Variants in TANK observed in about 807,000 individuals in gnomAD.
The protein encoded by TANK is TRAF family member-associated NF-kappa-B activator.
Under a neutral mutation model 43.6 loss-of-function variants are expected in TANK, and 15 were observed. That is an observed-to-expected ratio of 0.34 (90% CI 0.23 to 0.53). The LOEUF (loss-of-function observed/expected upper bound fraction) is 0.53, where lower values mean the gene tolerates loss of function less well. Among genes scored for constraint, TANK ranks in the 20% least tolerant of loss-of-function variants. The probability of loss-of-function intolerance (pLI) is 0.94; values close to 1 mark genes in which losing one functional copy is unlikely to be tolerated. For synonymous variants in TANK, 162 were observed against 178.2 expected (o/e 0.91, Z 0.73); for missense variants, 417 against 498.6 (o/e 0.84, Z 1.56).
rs145331464 is a variant in TANK at position 161,172,240 on chromosome 2, C to A, written c.-49-7374C>A. On this transcript the variant is annotated intron_variant, in intron 1 of 7. Coordinates refer to ENST00000392749, the MANE Select transcript of TANK (RefSeq NM_001199135.3). ...AAGAAATAATAAGTGGGCCTGTCCT[C>A]TTTTTTGGTTTATATTTGGTAGGAA... 1.9e-3 allele frequency among the ~76,000 whole-genome samples: 294 copies of A among 151,660 alleles called. 5 individuals carry two copies. The East Asian group carries it at 0.049, about 25-fold the overall frequency.
intron 7 of TANK, 91 bp from the exon 8 acceptor site, chr2:161,235,251 C>T: frequency 1.8e-6 from 2 of 1,100,126 alleles, no homozygotes; most frequent in Non-Finnish European, 2.6e-6. Context: ...TATATATGCC[C>T]ATGCGTAACT....
At chr2:161,156,123 C>A, upstream of TANK, 1 of 985,382 alleles carries the variant, frequency 1.0e-6, no homozygotes, top group Non-Finnish European at 1.2e-6. Context: ...CGTCTCTGTT[C>A]TATTTACCCC....
chr2:161,235,541 T>C lies in TANK; in HGVS notation c.*23T>C. 6.3e-7 allele frequency: 1 copy of C among 1,590,788 alleles called. No individual in the cohort carries two copies. Among genetic ancestry groups the C allele is most frequent in the Non-Finnish European group, 8.6e-7 (1 of 1,167,728 alleles). On this transcript the variant is annotated 3_prime_UTR_variant, in exon 8 of 8. Transcript: ENST00000392749. ...TAAGACACATTTGAAAACAGACATA[T>C]CAAGTTCTATGTGATGATTTTGGGT...
At chr2:161,227,083 A>T (rs181314319) in intron 6 of TANK, 1 of 152,336 alleles carries the variant, frequency 6.6e-6, no homozygotes, top group East Asian at 1.9e-4. Flanking sequence ...TCAGGATGAC[A>T]AGTGCTTTCA....
intron 4 of TANK, among the ~76,000 whole-genome samples, chr2:161,220,183 T>G (rs1008580338): frequency 1.3e-5 from 2 of 152,210 alleles, no homozygotes; most frequent in Admixed American, 1.3e-4. Flanking sequence ...TGGAGTTAAG[T>G]GAAATATGTA....
intron 1 of TANK, among the ~76,000 whole-genome samples, chr2:161,144,848 T>G (rs1406214317): frequency 6.6e-6 from 1 of 152,156 alleles, no homozygotes; most frequent in African/African-American, 2.4e-5. Flanking sequence ...ATCCTGAATA[T>G]CCTTGTTAAT....
At chr2:161,153,831 C>T (rs895987529) in intron 1 of TANK, among the ~76,000 whole-genome samples, 2 of 152,058 alleles carry the variant, frequency 1.3e-5, no homozygotes, top group Non-Finnish European at 2.9e-5. Context: ...CAAGTACACT[C>T]GACCTTTGAC....
At chr2:161,224,269 AC>A (rs1687496613) in intron 5 of TANK, among the ~76,000 whole-genome samples, 1 of 152,004 alleles carries the variant, frequency 6.6e-6, no homozygotes, top group East Asian at 1.9e-4. Flanking sequence ...CCTAATGTGA[AC>A]CTTACCAAAA....
intron 6 of TANK, among the ~76,000 whole-genome samples, chr2:161,225,192 G>A (rs563414691): frequency 1.1e-4 from 17 of 152,058 alleles, no homozygotes; most frequent in African/African-American, 3.6e-4. Context: ...GCCTGAAAGT[G>A]CATTACATAC....
At chr2:161,158,472 T>C (rs1259943142), upstream of TANK, among the ~76,000 whole-genome samples, 1 of 152,264 alleles carries the variant, frequency 6.6e-6, no homozygotes, top group East Asian at 1.9e-4. Flanking sequence ...AGGGGAATTA[T>C]GCAGCCACTT....
chr2:161,142,137 G>A (rs1429301330), intron 1 of TANK, among the ~76,000 whole-genome samples: 5 of 152,124 alleles, frequency 3.3e-5, no homozygotes, highest in Non-Finnish European at 7.4e-5. Context: ...CTTTTGAGAA[G>A]TGTCTATTCA....
At chr2:161,182,404 C>T (rs976707856) in intron 2 of TANK, among the ~76,000 whole-genome samples, 1 of 152,276 alleles carries the variant, frequency 6.6e-6, no homozygotes, top group African/African-American at 2.4e-5. Flanking sequence ...GGAGTTCCCA[C>T]AATCCCCTCT....
At chr2:161,181,945 A>T (rs964084648) in intron 2 of TANK, among the ~76,000 whole-genome samples, 1 of 152,184 alleles carries the variant, frequency 6.6e-6, no homozygotes, top group Non-Finnish European at 1.5e-5. Flanking sequence ...CTAGCCTGTG[A>T]AACTCTGAAG....
chr2:161,184,969 G>A (rs1382717293), intron 2 of TANK, among the ~76,000 whole-genome samples: 1 of 152,138 alleles, frequency 6.6e-6, no homozygotes, highest in Admixed American at 6.5e-5. Flanking sequence ...GAGTGTATAG[G>A]TTGAAAGAAT....
intron 4 of TANK, among the ~76,000 whole-genome samples, chr2:161,211,052 T>G (rs1396202932): frequency 6.6e-6 from 1 of 152,244 alleles, no homozygotes; most frequent in African/African-American, 2.4e-5. Context: ...CCATTTTTAG[T>G]TGACATAATC....
At chr2:161,198,731 C>T (rs563832023) in intron 2 of TANK, among the ~76,000 whole-genome samples, 4 of 152,162 alleles carry the variant, frequency 2.6e-5, no homozygotes, top group African/African-American at 7.2e-5. Flanking sequence ...TAATCAGGAC[C>T]GAAACACAGG....
At chr2:161,177,770 CAT>C (rs1194379221) in intron 1 of TANK, among the ~76,000 whole-genome samples, 1 of 151,952 alleles carries the variant, frequency 6.6e-6, no homozygotes, top group African/African-American at 2.4e-5. Flanking sequence ...ACTTACAAAT[CAT>C]ATATTGGATA....
intron 2 of TANK, among the ~76,000 whole-genome samples, chr2:161,190,157 AG>A (rs763943608): frequency 6.6e-6 from 1 of 152,202 alleles, no homozygotes; most frequent in Non-Finnish European, 1.5e-5. Context: ...AAAATGGGCA[AG>A]GGGCTTTAGA....
intron 2 of TANK, chr2:161,200,892 G>A (rs1015109605): frequency 5.9e-6 from 1 of 168,588 alleles, no homozygotes; most frequent in South Asian, 2.0e-4. Context: ...GCTCAACTCT[G>A]ATATTTCTTT....
Sources: allele counts gnomAD v4.1 joint callset (sites outside exome capture counted in the v4.1 genomes callset), GRCh38; gene constraint gnomAD v4.1.1; transcripts MANE v1.5; gene names NCBI Gene and HGNC (gene_info 2026-07-23, HGNC 2026-07-21).